The following BCL2 variants were observed in gnomAD, a reference collection of about 807,000 sequenced individuals.
The protein encoded by BCL2 is BCL2 apoptosis regulator, also known as apoptosis regulator Bcl-2.
A neutral mutation model predicts 14.2 loss-of-function variants in BCL2; 1 was observed. The observed-to-expected ratio is 0.07, with a 90% CI of 0.02 to 0.33. BCL2 has a LOEUF of 0.33. BCL2 is among the 10% of genes least tolerant of loss of function. The probability of loss-of-function intolerance (pLI) is 0.99; values close to 1 mark genes in which losing one functional copy is unlikely to be tolerated. For missense variants in BCL2, 247 were observed against 305.9 expected, an observed-to-expected ratio of 0.81 and a Z score of 1.44; for synonymous variants, 151 against 137.2, an observed-to-expected ratio of 1.10 and a Z score of -0.70.
chr18:63,260,534 C>T lies in BCL2; in HGVS notation c.585+57548G>A, dbSNP rs184517705. ...CCAGGCACGCCCTGGTCAGCAGGGG[C>T]GGACGATAGCACAGACAGCAAAGGG... On this transcript the variant is annotated intron_variant, in intron 2 of 2. Coordinates refer to ENST00000333681, the MANE Select transcript of BCL2 (RefSeq NM_000633.3). Among the ~76,000 whole-genome samples, 476 of 152,270 alleles carry T rather than the reference C, an allele frequency of 3.1e-3. 1 individual carries two copies. The highest frequency in any genetic ancestry group is 0.011 in the African/African-American group (443 of 41,560).
At chr18:63,270,469 C>A (rs1911974538) in intron 2 of BCL2, among the ~76,000 whole-genome samples, 1 of 152,112 alleles carries the variant, frequency 6.6e-6, no homozygotes, top group Non-Finnish European at 1.5e-5. Flanking sequence ...TGCAGAACAG[C>A]ATATATGTTT....
rs1214304682 is a variant in BCL2, at chr18:63,126,559, A to T, written c.*2066T>A. ...AAACAAGGTCAAAGGGACAACAGAT[A>T]TAACTGTCACAATAAACAATTCTGT... On this transcript the variant is annotated 3_prime_UTR_variant, in exon 3 of 3. Coordinates refer to ENST00000333681, the MANE Select transcript of BCL2 (RefSeq NM_000633.3). 2 of 229,356 alleles carry T rather than the reference A, an allele frequency of 8.7e-6. No individual in the cohort carries two copies. Among genetic ancestry groups the T allele is most frequent in the Non-Finnish European group, 1.7e-5 (2 of 115,648 alleles). The allele number at this position is 229,356 out of a possible 1,614,324, so 14.2% of individuals were successfully genotyped here. A position where few individuals can be genotyped will look rare whatever the true frequency, so the allele number is the denominator to read the frequency against.
At chr18:63,245,906 A>G (rs1462465622) in intron 2 of BCL2, among the ~76,000 whole-genome samples, 1 of 152,206 alleles carries the variant, frequency 6.6e-6, no homozygotes, top group Non-Finnish European at 1.5e-5. Flanking sequence ...TTGAAGCTCT[A>G]AACTGCTTCT....
rs58807419 is a variant in BCL2, at chr18:63,140,087, C to T, written c.586-11328G>A. Among the ~76,000 whole-genome samples the T allele has an allele frequency of 9.5e-3, 1,439 of 152,234 alleles. 31 individuals carry two copies. Among genetic ancestry groups the T allele is most frequent in the African/African-American group, 0.033 (1,371 of 41,530 alleles). On this transcript the variant is annotated intron_variant, in intron 2 of 2. Coordinates refer to ENST00000333681, the MANE Select transcript of BCL2 (RefSeq NM_000633.3). Reference sequence around the variant, plus strand: ...CATTAGTCATTAGGGAAATGCAAATCGAAACCACAAGGAGAGATCACATCC... The same window carrying T: ...CATTAGTCATTAGGGAAATGCAAATTGAAACCACAAGGAGAGATCACATCC...
chr18:63,315,420 G>A (rs949868448), intron 2 of BCL2: 2 of 152,146 alleles, frequency 1.3e-5, no homozygotes, highest in Non-Finnish European at 2.9e-5. Flanking sequence ...ATCATTCCAA[G>A]GACCTGATTT....
At chr18:63,220,511 C>A (rs1910360874) in intron 2 of BCL2, among the ~76,000 whole-genome samples, 1 of 152,198 alleles carries the variant, frequency 6.6e-6, no homozygotes, top group Non-Finnish European at 1.5e-5. Context: ...CAAACTCAGG[C>A]TCTATCTAAA....
chr18:63,199,578 CAGAT>C (rs1909629617), intron 2 of BCL2, among the ~76,000 whole-genome samples: 1 of 151,678 alleles, frequency 6.6e-6, no homozygotes, highest in African/African-American at 2.4e-5. Flanking sequence ...AACACACACA[CAGAT>C]ACAGACACAA....
chr18:63,297,303 T>C (rs888139631), intron 2 of BCL2, among the ~76,000 whole-genome samples: 1 of 152,206 alleles, frequency 6.6e-6, no homozygotes, highest in Non-Finnish European at 1.5e-5. Flanking sequence ...ATTAAACTAA[T>C]ACATCCAAAA....
At chr18:63,211,059 A>ATTTC (rs1909986792) in intron 2 of BCL2, among the ~76,000 whole-genome samples, 1 of 91,330 alleles carries the variant, frequency 1.1e-5, no homozygotes, top group African/African-American at 4.4e-5. Context: ...TTTTCTTTTC[A>ATTTC]TTTCTTTTTT....
At chr18:63,146,665 T>C (rs1914521736) in intron 2 of BCL2, among the ~76,000 whole-genome samples, 1 of 152,232 alleles carries the variant, frequency 6.6e-6, no homozygotes, top group African/African-American at 2.4e-5. Context: ...AATTCTTATG[T>C]CTTACAATTT....
At chr18:63,310,538 C>T (rs1203484997) in intron 2 of BCL2, among the ~76,000 whole-genome samples, 1 of 152,194 alleles carries the variant, frequency 6.6e-6, no homozygotes, top group African/African-American at 2.4e-5. Flanking sequence ...TGATTTGTAT[C>T]CTTGTCTTGG....
rs773113174 is a variant in BCL2 at position 63,125,266 on chromosome 18, G to A, written c.*3359C>T. On this transcript the variant is annotated 3_prime_UTR_variant, in exon 3 of 3. Coordinates refer to ENST00000333681, the MANE Select transcript of BCL2 (RefSeq NM_000633.3). ...GCTGTGGAGAGAATGTTGGCGTCTTGTTTGAACTAAATTGAGGTGCTTCCT... is the reference window on the plus strand; with the variant it reads ...GCTGTGGAGAGAATGTTGGCGTCTTATTTGAACTAAATTGAGGTGCTTCCT... 2.2e-5 allele frequency: 5 copies of A among 226,242 alleles called. No individual in the cohort carries two copies. The highest frequency in any genetic ancestry group is 3.5e-5 in the Non-Finnish European group (4 of 113,674). The allele number at this position is 226,242 out of a possible 1,614,324, so 14.0% of individuals were successfully genotyped here.
intron 2 of BCL2, among the ~76,000 whole-genome samples, chr18:63,203,837 T>C (rs1299463252): frequency 6.6e-6 from 1 of 152,266 alleles, no homozygotes; most frequent in South Asian, 2.1e-4. Flanking sequence ...ACAGACATAC[T>C]TGTATTTCTT....
intron 2 of BCL2, among the ~76,000 whole-genome samples, chr18:63,238,915 C>T (rs117318742): frequency 0.029 from 4,432 of 152,238 alleles, 74 homozygotes; most frequent in Non-Finnish European, 0.038. Context: ...CGCTGGGAGA[C>T]GGGCTGGCAT....
chr18:63,211,790 A>G (rs1435705863), intron 2 of BCL2, among the ~76,000 whole-genome samples: 1 of 152,236 alleles, frequency 6.6e-6, no homozygotes, highest in Non-Finnish European at 1.5e-5. Flanking sequence ...ACGCCAGTGC[A>G]GAGGAGCCAT....
rs1302475069 is a variant in BCL2, at chr18:63,149,111, T to C, written c.586-20352A>G. Among the ~76,000 whole-genome samples, 1 of 152,222 alleles carries C rather than the reference T, an allele frequency of 6.6e-6. No individual in the cohort carries two copies. The highest frequency in any genetic ancestry group is 2.4e-5 in the African/African-American group (1 of 41,454). ...CTCTGTCTCTTTGATAACGTTTACA[T>C]TATGAGAAAAGAATCAAGCTCATTT... On this transcript the variant is annotated intron_variant, in intron 2 of 2. Coordinates refer to ENST00000333681, the MANE Select transcript of BCL2 (RefSeq NM_000633.3). This position sits in a 1 kb window ranked among gnomAD's most constrained non-coding sequence, Gnocchi z 4.2.
intron 2 of BCL2, among the ~76,000 whole-genome samples, chr18:63,300,578 T>G (rs1476894533): frequency 6.6e-6 from 1 of 152,162 alleles, no homozygotes. Context: ...TTCAGATGAC[T>G]GAAGCCTAAA....
chr18:63,223,073 CTG>C (rs1390240975), intron 2 of BCL2, among the ~76,000 whole-genome samples: 1 of 152,200 alleles, frequency 6.6e-6, no homozygotes, highest in Non-Finnish European at 1.5e-5. Context: ...CCGGTGACCT[CTG>C]GAACTGTGCG....
intron 2 of BCL2, among the ~76,000 whole-genome samples, chr18:63,157,592 A>G (rs1914816244): frequency 6.6e-6 from 1 of 152,204 alleles, no homozygotes; most frequent in South Asian, 2.1e-4. Context: ...CTCACTTATT[A>G]TAATTGTAAC....
Sources: gnomAD v4.1 joint callset for allele counts (sites outside exome capture counted in the v4.1 genomes callset) on GRCh38, gnomAD v4.1.1 for gene constraint, Gnocchi (gnomAD v3.1) non-coding constraint, MANE v1.5 for transcripts, NCBI Gene and HGNC (gene_info 2026-07-23, HGNC 2026-07-21) for gene names.